The following TTLL6 variants were observed in gnomAD, a reference collection of about 807,000 sequenced individuals.
TTLL6 encodes tubulin polyglutamylase TTLL6.
Under a neutral mutation model 96.4 loss-of-function variants are expected in TTLL6, and 75 were observed. The observed-to-expected ratio is 0.78, with a 90% CI of 0.65 to 0.94. The LOEUF is 0.94. Ranked by LOEUF, TTLL6 falls within the 40% of genes least tolerant of loss-of-function variation. The pLI is 0.00. For synonymous variants in TTLL6, 411 were observed against 419.4 expected (o/e 0.98, Z 0.24); for missense variants, 1,030 against 1,093.0 (o/e 0.94, Z 0.81).
intron 9 of TTLL6, 132 bp from the exon 10 acceptor site, chr17:48,790,238 G>A (rs1465810490): frequency 1.1e-6 from 1 of 938,730 alleles, no homozygotes; most frequent in African/African-American, 1.6e-5. Context: ...AAAGGGAGGG[G>A]AGAGAGCATC....
chr17:48,763,217 T>C (rs1209685051), intron 15 of TTLL6, among the ~76,000 whole-genome samples: 4 of 152,196 alleles, frequency 2.6e-5, no homozygotes, highest in Non-Finnish European at 4.4e-5. Flanking sequence ...GAGAATGTTA[T>C]AGTGGTTAAG....
chr17:48,793,250 G>A (rs1424109458), intron 8 of TTLL6, among the ~76,000 whole-genome samples: 1 of 152,114 alleles, frequency 6.6e-6, no homozygotes, highest in Non-Finnish European at 1.5e-5. Context: ...GAGGAAAGGA[G>A]AAACAAGATG....
intron 13 of TTLL6, among the ~76,000 whole-genome samples, chr17:48,782,794 A>G (rs1405905356): frequency 6.6e-6 from 1 of 151,858 alleles, no homozygotes; most frequent in Non-Finnish European, 1.5e-5. Flanking sequence ...GCTCATTGCA[A>G]CCTCCGCCTC....
At chr17:48,764,010 C>G (rs770205296) in intron 15 of TTLL6, among the ~76,000 whole-genome samples, 1 of 151,578 alleles carries the variant, frequency 6.6e-6, no homozygotes, top group Non-Finnish European at 1.5e-5. Flanking sequence ...GTGACAAGCA[C>G]CTGTCACCTC....
intron 12 of TTLL6, 76 bp downstream of exon 12, chr17:48,786,088 C>T (rs1470972758): frequency 6.3e-6 from 10 of 1,591,328 alleles, no homozygotes; most frequent in Non-Finnish European, 8.6e-6. Context: ...GCAGTGGTCT[C>T]CTCAGCACCC....
At chr17:48,781,778 G>A (rs1232111127) in intron 13 of TTLL6, among the ~76,000 whole-genome samples, 8 of 152,114 alleles carry the variant, frequency 5.3e-5, no homozygotes, top group African/African-American at 1.9e-4. Flanking sequence ...TAAGAGGTGG[G>A]GCCTTTGGGA....
At chr17:48,805,013 C>A (rs1483900216) in intron 1 of TTLL6, 22 bp from the exon 2 acceptor site, 4 of 1,537,486 alleles carry the variant, frequency 2.6e-6, no homozygotes, top group South Asian at 1.2e-5. Flanking sequence ...GCAGAGGGAG[C>A]CGCAGTTACA....
chr17:48,808,680 T>G (rs2039539306), intron 1 of TTLL6, among the ~76,000 whole-genome samples: 2 of 152,214 alleles, frequency 1.3e-5, no homozygotes, highest in Admixed American at 1.3e-4. Context: ...GCGATTCTCC[T>G]GCCTCACCCT....
intron 8 of TTLL6, chr17:48,794,464 A>C: frequency 2.5e-5 from 30 of 1,176,478 alleles, no homozygotes; most frequent in Non-Finnish European, 3.2e-5. Context: ...GTGCAGGCTC[A>C]GAGAGATGAA....
intron 1 of TTLL6, among the ~76,000 whole-genome samples, chr17:48,814,349 A>T (rs1053377981): frequency 4.7e-5 from 7 of 147,558 alleles, no homozygotes; most frequent in Non-Finnish European, 1.1e-4. Context: ...AAAGACTAAG[A>T]GCTGTACTAC....
chr17:48,783,862 A>G (rs2039036819), intron 13 of TTLL6, among the ~76,000 whole-genome samples: 1 of 151,678 alleles, frequency 6.6e-6, no homozygotes, highest in Non-Finnish European at 1.5e-5. Flanking sequence ...TAAGTCTACA[A>G]TGGGGGTCTG....
intron 13 of TTLL6, among the ~76,000 whole-genome samples, chr17:48,784,363 C>T (rs1281129648): frequency 6.6e-6 from 1 of 151,976 alleles, no homozygotes; most frequent in African/African-American, 2.4e-5. Flanking sequence ...GGAGATTGCA[C>T]CACTGCACCC....
intron 8 of TTLL6, among the ~76,000 whole-genome samples, chr17:48,794,750 G>T (rs2039288316): frequency 6.6e-6 from 1 of 152,160 alleles, no homozygotes; most frequent in African/African-American, 2.4e-5. Context: ...TGCCACTGAG[G>T]GGGTCATGAA....
rs552632829 is a variant in TTLL6, at chr17:48,784,627, T to C, written c.2040+296A>G. Among the ~76,000 whole-genome samples, 40 of 152,216 alleles carry C rather than the reference T, an allele frequency of 2.6e-4. No individual in the cohort carries two copies. In the East Asian group the frequency reaches 6.9e-3, roughly 26 times the overall value. On this transcript the variant is annotated intron_variant, in intron 13 of 15. Coordinates refer to ENST00000393382, the MANE Select transcript of TTLL6 (RefSeq NM_001130918.3). Reference sequence around the variant, plus strand: ...GTTTCAGACTTCCAGCCTCAAGAACTGTGAGAGAATAAACGGTGTTGCCTC... The same window carrying C: ...GTTTCAGACTTCCAGCCTCAAGAACCGTGAGAGAATAAACGGTGTTGCCTC...
At chr17:48,795,160 T>A (rs2039295410) in intron 8 of TTLL6, among the ~76,000 whole-genome samples, 1 of 152,036 alleles carries the variant, frequency 6.6e-6, no homozygotes, top group Non-Finnish European at 1.5e-5. Flanking sequence ...ACCCTGTCTC[T>A]ACTAAAAATA....
intron 12 of TTLL6, 49 bp from the exon 13 acceptor site, chr17:48,785,250 T>C (rs894629354): frequency 1.4e-5 from 23 of 1,610,970 alleles, no homozygotes; most frequent in Non-Finnish European, 2.0e-5. Context: ...CCCAGCTCTA[T>C]CCACTTCCAG....
intron 7 of TTLL6, 66 bp downstream of exon 7, chr17:48,796,995 C>T: frequency 2.1e-6 from 3 of 1,415,174 alleles, no homozygotes; most frequent in Non-Finnish European, 2.8e-6. Context: ...GTGGATTTAA[C>T]TAGAATTTTT....
chr17:48,774,690 C>T (rs189281847), intron 13 of TTLL6, among the ~76,000 whole-genome samples: 9 of 151,992 alleles, frequency 5.9e-5, no homozygotes, highest in Admixed American at 3.9e-4. Flanking sequence ...CACAAACTGC[C>T]GAAATTCATT....
chr17:48,767,599 T>C (rs57185954), intron 15 of TTLL6, among the ~76,000 whole-genome samples: 38,252 of 152,070 alleles, frequency 0.25, 4,946 homozygotes, highest in Admixed American at 0.38. Context: ...GAGTATCTGC[T>C]CACAGTAAGC....
Sources: gnomAD v4.1 joint callset for allele counts (sites outside exome capture counted in the v4.1 genomes callset) on GRCh38, gnomAD v4.1.1 for gene constraint, MANE v1.5 for transcripts, NCBI Gene and HGNC (gene_info 2026-07-23, HGNC 2026-07-21) for gene names.